The following COMMD10 variants were observed in gnomAD, a reference collection of about 807,000 sequenced individuals.
COMMD10 encodes COMM domain-containing protein 10.
Under a neutral mutation model 28.9 loss-of-function variants are expected in COMMD10, and 33 were observed. That is an observed-to-expected ratio of 1.14 (90% CI 0.87 to 1.53). The LOEUF is 1.53. Among genes scored for constraint, COMMD10 ranks in the 40% most tolerant of loss-of-function variants. The pLI, the probability that COMMD10 is intolerant of heterozygous loss-of-function variation, is 0.00. For missense variants in COMMD10, 310 were observed against 233.4 expected, an observed-to-expected ratio of 1.33 and a Z score of -2.14; for synonymous variants, 110 against 81.7, an observed-to-expected ratio of 1.35 and a Z score of -1.87.
At chr5:116,121,407 G>C (rs1264687022) in intron 4 of COMMD10, among the ~76,000 whole-genome samples, 1 of 152,178 alleles carries the variant, frequency 6.6e-6, no homozygotes, top group African/African-American at 2.4e-5. Context: ...TTGGTTCCAA[G>C]TATTTGCTTT....
intron 5 of COMMD10, among the ~76,000 whole-genome samples, chr5:116,166,142 C>T (rs142018003): frequency 1.1e-5 from 1 of 94,960 alleles, no homozygotes; most frequent in African/African-American, 4.7e-5. Flanking sequence ...GGACTTGAGT[C>T]CATTTCTCTG....
chr5:116,127,574 C>T (rs182675711), intron 4 of COMMD10, among the ~76,000 whole-genome samples: 407 of 152,306 alleles, frequency 2.7e-3, no homozygotes, highest in South Asian at 0.012. Context: ...GGCACATATA[C>T]ACCATGGAAT....
chr5:116,272,686 C>T (rs762598843), intron 5 of COMMD10, among the ~76,000 whole-genome samples: 6 of 151,800 alleles, frequency 4.0e-5, no homozygotes, highest in African/African-American at 9.7e-5. Context: ...GAATCTTTAT[C>T]CCACTCATTT....
chr5:116,268,364 T>C (rs1167186875), intron 5 of COMMD10, among the ~76,000 whole-genome samples: 1 of 151,908 alleles, frequency 6.6e-6, no homozygotes, highest in Non-Finnish European at 1.5e-5. Flanking sequence ...TCATCATCAC[T>C]GGCCATCAGA....
chr5:116,202,427 T>C (rs1748694541), intron 5 of COMMD10, among the ~76,000 whole-genome samples: 1 of 151,924 alleles, frequency 6.6e-6, no homozygotes, highest in African/African-American at 2.4e-5. Context: ...GGTCAAATGG[T>C]ATTTCTAGTT....
chr5:116,109,456 T>G (rs1750967892), intron 4 of COMMD10, among the ~76,000 whole-genome samples: 1 of 152,124 alleles, frequency 6.6e-6, no homozygotes, highest in Non-Finnish European at 1.5e-5. Flanking sequence ...TAGCCAGGCG[T>G]GCTGGTGCGT....
intron 5 of COMMD10, among the ~76,000 whole-genome samples, chr5:116,285,751 T>G (rs1172215635): frequency 6.6e-6 from 1 of 152,064 alleles, no homozygotes; most frequent in Admixed American, 6.5e-5. Context: ...AACCCTTTAA[T>G]GTGCTCTTGA....
intron 5 of COMMD10, among the ~76,000 whole-genome samples, chr5:116,250,578 G>C (rs371783695): frequency 4.6e-5 from 7 of 151,738 alleles, no homozygotes; most frequent in African/African-American, 1.5e-4. Flanking sequence ...ATACATAAAG[G>C]AATAGATCCA....
At chr5:116,204,156 A>G (rs1012219906) in intron 5 of COMMD10, among the ~76,000 whole-genome samples, 2 of 152,154 alleles carry the variant, frequency 1.3e-5, no homozygotes, top group African/African-American at 2.4e-5. Context: ...CCATTACATC[A>G]TGGTAAAGGG....
intron 4 of COMMD10, among the ~76,000 whole-genome samples, chr5:116,116,728 T>G (rs1250208545): frequency 3.9e-5 from 4 of 102,694 alleles, no homozygotes; most frequent in African/African-American, 1.2e-4. Flanking sequence ...TTTTTTTTTT[T>G]TGAGACGGAG....
At chr5:116,263,304 C>G (rs1011439983) in intron 5 of COMMD10, among the ~76,000 whole-genome samples, 1 of 151,712 alleles carries the variant, frequency 6.6e-6, no homozygotes, top group Non-Finnish European at 1.5e-5. Context: ...ACCATAAATT[C>G]TCATCAGATG....
chr5:116,141,551 T>C (rs1449032048), intron 5 of COMMD10, among the ~76,000 whole-genome samples: 1 of 151,846 alleles, frequency 6.6e-6, no homozygotes, highest in East Asian at 1.9e-4. Flanking sequence ...ACGTGGGATA[T>C]CTTGCTATTT....
At chr5:116,273,542 C>G (rs1305361425) in intron 5 of COMMD10, among the ~76,000 whole-genome samples, 1 of 151,816 alleles carries the variant, frequency 6.6e-6, no homozygotes, top group Non-Finnish European at 1.5e-5. Context: ...GTTTTATTAA[C>G]TTGGCCTAGG....
At chr5:116,125,777 C>G (rs561837849) in intron 4 of COMMD10, among the ~76,000 whole-genome samples, 1 of 151,976 alleles carries the variant, frequency 6.6e-6, no homozygotes, top group Non-Finnish European at 1.5e-5. Flanking sequence ...CTAAACTTCT[C>G]GCTTCATTTC....
intron 5 of COMMD10, among the ~76,000 whole-genome samples, chr5:116,239,978 A>G (rs1749771460): frequency 6.6e-6 from 1 of 152,118 alleles, no homozygotes; most frequent in South Asian, 2.1e-4. Context: ...GGCCGGTGGT[A>G]GTCTCAGAGT....
At chr5:116,207,606 G>A (rs1015437937) in intron 5 of COMMD10, among the ~76,000 whole-genome samples, 18 of 152,004 alleles carry the variant, frequency 1.2e-4, no homozygotes, top group African/African-American at 4.4e-4. Flanking sequence ...GCTCACTGCA[G>A]CCTCCGCCTC....
intron 4 of COMMD10, among the ~76,000 whole-genome samples, chr5:116,108,566 A>G (rs1485497894): frequency 6.6e-6 from 1 of 152,112 alleles, no homozygotes; most frequent in Non-Finnish European, 1.5e-5. Flanking sequence ...TTCTAGGTCA[A>G]CTCAGACTGC....
At chr5:116,142,050 G>A (rs898263117) in intron 5 of COMMD10, among the ~76,000 whole-genome samples, 9 of 151,842 alleles carry the variant, frequency 5.9e-5, no homozygotes, top group African/African-American at 1.9e-4. Context: ...TTATAGAAAC[G>A]TGAAAGGAAA....
chr5:116,255,501 C>T (rs1023470058), intron 5 of COMMD10, among the ~76,000 whole-genome samples: 2 of 151,442 alleles, frequency 1.3e-5, no homozygotes, highest in African/African-American at 4.9e-5. Flanking sequence ...CTGGTGGTGA[C>T]AAAATCTCTC....
Sources: gnomAD v4.1 joint callset for allele counts (sites outside exome capture counted in the v4.1 genomes callset) on GRCh38, gnomAD v4.1.1 for gene constraint, MANE v1.5 for transcripts, NCBI Gene and HGNC (gene_info 2026-07-23, HGNC 2026-07-21) for gene names.